Variants in FMN1 observed in about 807,000 individuals in gnomAD.
FMN1 encodes the protein formin 1, also known as formin-1.
In FMN1, 110 loss-of-function variants were observed where a neutral mutation model predicts 132.4. The observed-to-expected ratio is 0.83, with a 90% CI of 0.71 to 0.97. FMN1 has a LOEUF of 0.97. Among genes scored for constraint, FMN1 ranks in the 50% least tolerant of loss-of-function variants. The pLI, the probability that FMN1 is intolerant of heterozygous loss-of-function variation, is 0.00. For missense variants in FMN1, 1,792 were observed against 1,705.3 expected (o/e 1.05, Z -0.90); for synonymous variants, 722 against 651.7 (o/e 1.11, Z -1.64).
At chr15:32,813,376 C>A (rs2057951923) in intron 17 of FMN1, among the ~76,000 whole-genome samples, 1 of 152,164 alleles carries the variant, frequency 6.6e-6, no homozygotes. Flanking sequence ...TAATTGGGAT[C>A]TAAATGAAGT....
chr15:32,802,469 A>G (rs1209828401), intron 18 of FMN1, among the ~76,000 whole-genome samples: 1 of 152,236 alleles, frequency 6.6e-6, no homozygotes, highest in Non-Finnish European at 1.5e-5. Context: ...CAAATATTGC[A>G]ACACTGACCA....
chr15:32,926,559 C>G (rs564910753), intron 9 of FMN1, among the ~76,000 whole-genome samples: 1 of 152,316 alleles, frequency 6.6e-6, no homozygotes, highest in South Asian at 2.1e-4. Context: ...ATACCAGCAT[C>G]AAGATGTACA....
chr15:33,169,844 T>C (rs1366875991), intron 3 of FMN1, among the ~76,000 whole-genome samples: 1 of 151,136 alleles, frequency 6.6e-6, no homozygotes, highest in Non-Finnish European at 1.5e-5. Context: ...ATTGAGCATA[T>C]TATTTATTCT....
chr15:33,149,862 A>G (rs1398358280), intron 4 of FMN1: 6 of 983,076 alleles, frequency 6.1e-6, no homozygotes, highest in African/African-American at 1.7e-5. Flanking sequence ...CCCATAATGT[A>G]TATCCACAGA....
chr15:32,915,370 C>G (rs548599680), intron 10 of FMN1, among the ~76,000 whole-genome samples: 2 of 152,346 alleles, frequency 1.3e-5, no homozygotes, highest in East Asian at 3.9e-4. Context: ...TACCATTAAA[C>G]TTATTAGCCA....
intron 19 of FMN1, among the ~76,000 whole-genome samples, chr15:32,784,126 G>A (rs2056769809): frequency 6.6e-6 from 1 of 152,118 alleles, no homozygotes; most frequent in South Asian, 2.1e-4. Flanking sequence ...GAGGAAATGG[G>A]GCAGATAAGA....
chr15:33,079,048 C>T (rs1023070226), intron 5 of FMN1, among the ~76,000 whole-genome samples: 1 of 152,154 alleles, frequency 6.6e-6, no homozygotes, highest in Non-Finnish European at 1.5e-5. Context: ...TATTTCAATT[C>T]ACTTATATAC....
intron 17 of FMN1, among the ~76,000 whole-genome samples, chr15:32,812,911 A>G (rs1284857784): frequency 6.6e-6 from 1 of 152,214 alleles, no homozygotes; most frequent in Non-Finnish European, 1.5e-5. Flanking sequence ...GACAGGTACA[A>G]TTTCAGAGAT....
chr15:32,989,451 G>C (rs771070679), intron 7 of FMN1, among the ~76,000 whole-genome samples: 16 of 152,138 alleles, frequency 1.1e-4, no homozygotes, highest in Non-Finnish European at 2.4e-4. Context: ...AGAAATCCAA[G>C]TGAAAGATAA....
At chr15:32,869,990 A>G (rs1237956865) in intron 16 of FMN1, among the ~76,000 whole-genome samples, 1 of 152,212 alleles carries the variant, frequency 6.6e-6, no homozygotes, top group Non-Finnish European at 1.5e-5. Context: ...TAAGCTACAG[A>G]AAGAACGCCA....
chr15:32,894,588 A>G (rs1007567918), intron 15 of FMN1, among the ~76,000 whole-genome samples: 2 of 152,102 alleles, frequency 1.3e-5, no homozygotes, highest in African/African-American at 4.8e-5. Flanking sequence ...GCAGAATAAG[A>G]TGCATCTTGA....
chr15:33,057,987 G>A (rs1440695803), intron 6 of FMN1, among the ~76,000 whole-genome samples: 1 of 151,886 alleles, frequency 6.6e-6, no homozygotes, highest in Admixed American at 6.6e-5. Flanking sequence ...AAAGTATGAT[G>A]GGGCTGGTGG....
intron 16 of FMN1, among the ~76,000 whole-genome samples, chr15:32,880,063 A>C (rs1295966087): frequency 7.2e-6 from 1 of 138,174 alleles, no homozygotes; most frequent in Non-Finnish European, 1.6e-5. Flanking sequence ...TTTTTTTTTT[A>C]TTTTTCTCTT....
intron 15 of FMN1, among the ~76,000 whole-genome samples, chr15:32,891,049 A>G (rs1040583856): frequency 6.6e-6 from 1 of 152,050 alleles, no homozygotes; most frequent in Non-Finnish European, 1.5e-5. Flanking sequence ...GTTGGCTGTA[A>G]GTATTTGGGT....
intron 7 of FMN1, among the ~76,000 whole-genome samples, chr15:32,971,292 C>T (rs918833689): frequency 4.6e-5 from 7 of 152,162 alleles, no homozygotes; most frequent in African/African-American, 1.7e-4. Flanking sequence ...TAACAAATTC[C>T]TAATTATTTT....
chr15:33,145,741 A>C (rs1341225038), intron 4 of FMN1, among the ~76,000 whole-genome samples: 3 of 151,588 alleles, frequency 2.0e-5, no homozygotes, highest in African/African-American at 7.3e-5. Context: ...ATGCCCAGAC[A>C]AGTCTGAATC....
At chr15:33,021,559 CTT>C (rs2035417908) in intron 6 of FMN1, among the ~76,000 whole-genome samples, 1 of 152,096 alleles carries the variant, frequency 6.6e-6, no homozygotes, top group Non-Finnish European at 1.5e-5. Context: ...GATATTGAGT[CTT>C]TATGTTCTGG....
At chr15:32,955,532 C>T (rs1245321299) in intron 9 of FMN1, among the ~76,000 whole-genome samples, 1 of 152,200 alleles carries the variant, frequency 6.6e-6, no homozygotes, top group Non-Finnish European at 1.5e-5. Flanking sequence ...TCAGCCTCAT[C>T]CTGTTGTCTA....
chr15:33,081,057 C>CAGAT (rs1347681714), intron 5 of FMN1, among the ~76,000 whole-genome samples: 1 of 152,178 alleles, frequency 6.6e-6, no homozygotes, highest in Non-Finnish European at 1.5e-5. Context: ...ACAAGTCACA[C>CAGAT]AGATGTACAC....
Sources: gnomAD v4.1 joint callset for allele counts (sites outside exome capture counted in the v4.1 genomes callset) on GRCh38, gnomAD v4.1.1 for gene constraint, MANE v1.5 for transcripts, NCBI Gene and HGNC (gene_info 2026-07-23, HGNC 2026-07-21) for gene names.